The following DEPTOR variants were observed in gnomAD, a reference collection of about 807,000 sequenced individuals.
DEPTOR encodes the protein DEP domain containing MTOR interacting protein, also known as DEP domain-containing mTOR-interacting protein.
A neutral mutation model predicts 41.6 loss-of-function variants in DEPTOR; 41 were observed. The observed-to-expected ratio is 0.98, with a 90% CI of 0.77 to 1.28. The LOEUF (loss-of-function observed/expected upper bound fraction) is 1.28, where lower values mean the gene tolerates loss of function less well. Ranked by LOEUF, DEPTOR falls within the 50% of genes most tolerant of loss-of-function variation. DEPTOR has a pLI of 0.00. For synonymous variants in DEPTOR, 195 were observed against 192.3 expected (o/e 1.01, Z -0.12); for missense variants, 514 against 527.9 (o/e 0.97, Z 0.26).
intron 1 of DEPTOR, among the ~76,000 whole-genome samples, chr8:119,926,508 G>GT: frequency 6.6e-6 from 1 of 152,198 alleles, no homozygotes; most frequent in South Asian, 2.1e-4. Context: ...ATAATAAATT[G>GT]TTTTTTTAAA....
At chr8:119,899,557 T>C (rs1325760576) in intron 1 of DEPTOR, among the ~76,000 whole-genome samples, 2 of 152,240 alleles carry the variant, frequency 1.3e-5, no homozygotes, top group Non-Finnish European at 2.9e-5. Flanking sequence ...ATAAAGTATC[T>C]GCTTTCTGAG....
At chr8:119,918,219 C>G (rs555103541) in intron 1 of DEPTOR, among the ~76,000 whole-genome samples, 1 of 151,930 alleles carries the variant, frequency 6.6e-6, no homozygotes, top group Non-Finnish European at 1.5e-5. Flanking sequence ...TTCCACCTAA[C>G]GAGAAAAACC....
chr8:119,950,333 C>T (rs960526497), intron 3 of DEPTOR, among the ~76,000 whole-genome samples: 3 of 152,148 alleles, frequency 2.0e-5, no homozygotes, highest in Non-Finnish European at 2.9e-5. Context: ...ATCACCTAAC[C>T]TGTTATTATG....
intron 8 of DEPTOR, among the ~76,000 whole-genome samples, chr8:120,047,926 A>T (rs1813177009): frequency 6.6e-6 from 1 of 151,892 alleles, no homozygotes; most frequent in African/African-American, 2.4e-5. Flanking sequence ...CACACCTGTA[A>T]TCCCAGCTAC....
chr8:119,951,020 G>T (rs1828345473), intron 3 of DEPTOR, among the ~76,000 whole-genome samples: 1 of 151,946 alleles, frequency 6.6e-6, no homozygotes, highest in Non-Finnish European at 1.5e-5. Flanking sequence ...CTGCAGTGAG[G>T]TGTGGTCACA....
intron 8 of DEPTOR, among the ~76,000 whole-genome samples, chr8:120,024,228 C>T (rs1238631747): frequency 7.9e-5 from 12 of 151,978 alleles, no homozygotes; most frequent in Admixed American, 7.9e-4. Context: ...CAGAGCAAGA[C>T]TCTGTCTCAA....
intron 3 of DEPTOR, among the ~76,000 whole-genome samples, chr8:119,962,512 G>A (rs1011826998): frequency 6.6e-6 from 1 of 152,122 alleles, no homozygotes; most frequent in Non-Finnish European, 1.5e-5. Flanking sequence ...AAGGCCTGTG[G>A]TAGATGGGGC....
At chr8:120,016,579 G>A (rs554322459) in intron 8 of DEPTOR, among the ~76,000 whole-genome samples, 1 of 151,806 alleles carries the variant, frequency 6.6e-6, no homozygotes, top group South Asian at 2.1e-4. Context: ...GGGATTGTAG[G>A]TGTGAGCCAC....
intron 4 of DEPTOR, among the ~76,000 whole-genome samples, chr8:119,977,214 G>A (rs1181997720): frequency 6.6e-6 from 1 of 152,116 alleles, no homozygotes; most frequent in Non-Finnish European, 1.5e-5. Context: ...TGTTGGCCAG[G>A]CTGGTCTCAA....
At chr8:119,998,566 A>G (rs1812302943) in intron 4 of DEPTOR, among the ~76,000 whole-genome samples, 5 of 151,984 alleles carry the variant, frequency 3.3e-5, no homozygotes, top group African/African-American at 1.2e-4. Flanking sequence ...GTCCCTGATG[A>G]CTCTACAGAC....
intron 3 of DEPTOR, among the ~76,000 whole-genome samples, chr8:119,952,519 A>G: frequency 6.6e-6 from 1 of 152,184 alleles, no homozygotes; most frequent in Non-Finnish European, 1.5e-5. Context: ...TTACATAGGT[A>G]ATAGTGTGCC....
At chr8:120,025,998 T>TG (rs1327220572) in intron 8 of DEPTOR, among the ~76,000 whole-genome samples, 1 of 151,404 alleles carries the variant, frequency 6.6e-6, no homozygotes, top group Non-Finnish European at 1.5e-5. Context: ...TTTTTTTTTT[T>TG]TTTCTGAGAC....
intron 1 of DEPTOR, among the ~76,000 whole-genome samples, chr8:119,890,975 G>T (rs1480328894): frequency 6.6e-6 from 1 of 152,120 alleles, no homozygotes; most frequent in East Asian, 1.9e-4. Flanking sequence ...ATTCAAAAGG[G>T]CAATATATAG....
chr8:119,994,956 A>G (rs1586649820), intron 4 of DEPTOR, among the ~76,000 whole-genome samples: 1 of 151,600 alleles, frequency 6.6e-6, no homozygotes, highest in East Asian at 1.9e-4. Context: ...AAAAAAAAAG[A>G]AGAATTAGAA....
intron 3 of DEPTOR, among the ~76,000 whole-genome samples, chr8:119,937,555 G>A (rs2129881021): frequency 6.6e-6 from 1 of 152,266 alleles, no homozygotes; most frequent in Admixed American, 6.5e-5. Flanking sequence ...GGTTAAAGTT[G>A]TTACCTTTTG....
At position 119,943,889 on chromosome 8, in the gene DEPTOR, G is replaced by C. The variant is rs1288605360; in HGVS notation, c.425+13951G>C. 5.9e-5 allele frequency among the ~76,000 whole-genome samples: 9 copies of C among 152,018 alleles called. No homozygotes were observed. The East Asian group carries it at 1.7e-3, about 29-fold the overall frequency. On this transcript the variant is annotated intron_variant, in intron 3 of 8. Coordinates refer to ENST00000286234, the MANE Select transcript of DEPTOR (RefSeq NM_022783.4). ...GTCTCGTTTTGTTGCCCAGGCTGGAGTGCAGTGGCTCAATCTTGGCTCACT... is the reference window on the plus strand; with the variant it reads ...GTCTCGTTTTGTTGCCCAGGCTGGACTGCAGTGGCTCAATCTTGGCTCACT...
intron 1 of DEPTOR, among the ~76,000 whole-genome samples, chr8:119,875,925 C>T (rs865977125): frequency 6.6e-6 from 1 of 152,268 alleles, no homozygotes; most frequent in Non-Finnish European, 1.5e-5. Context: ...TTTAGAAGCC[C>T]AAGCTGTAGC....
intron 8 of DEPTOR, among the ~76,000 whole-genome samples, chr8:120,040,390 C>T (rs994097231): frequency 7.2e-5 from 11 of 151,920 alleles, no homozygotes; most frequent in African/African-American, 2.4e-4. Context: ...TCCTGGCTAA[C>T]GTGGTGAAAC....
chr8:120,011,891 C>G (rs1355655095), intron 8 of DEPTOR, among the ~76,000 whole-genome samples: 1 of 152,102 alleles, frequency 6.6e-6, no homozygotes, highest in South Asian at 2.1e-4. Flanking sequence ...TAGAGCTTTA[C>G]AGAGTTCATT....
Sources: allele counts gnomAD v4.1 joint callset (sites outside exome capture counted in the v4.1 genomes callset), GRCh38; gene constraint gnomAD v4.1.1; transcripts MANE v1.5; gene names NCBI Gene and HGNC (gene_info 2026-07-23, HGNC 2026-07-21).